The following MYO6 variants were observed in gnomAD, a reference collection of about 807,000 sequenced individuals.
The protein encoded by MYO6 is unconventional myosin-VI.
In MYO6, 74 loss-of-function variants were observed where a neutral mutation model predicts 178.7. The observed-to-expected ratio is 0.41, with a 90% CI of 0.34 to 0.50. The LOEUF (loss-of-function observed/expected upper bound fraction) is 0.50, where lower values mean the gene tolerates loss of function less well. Ranked by LOEUF, MYO6 falls within the 20% of genes least tolerant of loss-of-function variation. MYO6 has a pLI of 0.09. For synonymous variants in MYO6, 477 were observed against 504.6 expected, an observed-to-expected ratio of 0.95 and a Z score of 0.73; for missense variants, 1,330 against 1,547.4, an observed-to-expected ratio of 0.86 and a Z score of 2.36.
intron 28 of MYO6, 111 bp downstream of exon 28, chr6:75,892,801 T>C: frequency 9.2e-7 from 1 of 1,092,408 alleles, no homozygotes; most frequent in Non-Finnish European, 1.3e-6. Flanking sequence ...CTGAAGGCCC[T>C]GATATATTTG....
At chr6:75,811,943 G>A (rs1423539009) in intron 1 of MYO6, among the ~76,000 whole-genome samples, 2 of 152,186 alleles carry the variant, frequency 1.3e-5, no homozygotes, top group African/African-American at 4.8e-5. Flanking sequence ...AAATCGAAGA[G>A]GTTAAATAAC....
chr6:75,904,642 A>G (rs530674475), intron 30 of MYO6, among the ~76,000 whole-genome samples: 2 of 152,030 alleles, frequency 1.3e-5, no homozygotes, highest in South Asian at 2.1e-4. Flanking sequence ...AATTTTTTTC[A>G]AAGTTTTCAA....
chr6:75,796,563 G>GT (rs1195653917), intron 1 of MYO6, among the ~76,000 whole-genome samples: 3 of 151,206 alleles, frequency 2.0e-5, no homozygotes, highest in Non-Finnish European at 4.4e-5. Context: ...CCAATAGGTA[G>GT]TTTTTTAGCC....
intron 1 of MYO6, among the ~76,000 whole-genome samples, chr6:75,764,407 T>A (rs1778220864): frequency 6.6e-6 from 1 of 152,190 alleles, no homozygotes; most frequent in Admixed American, 6.5e-5. Flanking sequence ...TCTTTAGTCA[T>A]TCTTACCCAT....
At chr6:75,756,481 C>G (rs888134188) in intron 1 of MYO6, among the ~76,000 whole-genome samples, 3 of 152,082 alleles carry the variant, frequency 2.0e-5, no homozygotes, top group African/African-American at 7.2e-5. Context: ...TACAGGTGCT[C>G]ACGACCATGC....
chr6:75,811,133 G>A (rs954587515), intron 1 of MYO6, among the ~76,000 whole-genome samples: 3 of 152,042 alleles, frequency 2.0e-5, no homozygotes, highest in Non-Finnish European at 2.9e-5. Context: ...GGGTAGGGGG[G>A]CAGTTTTTCC....
intron 17 of MYO6, 123 bp from the exon 18 acceptor site, chr6:75,866,809 C>CACTAGCCACACTTCA: frequency 8.7e-7 from 1 of 1,143,940 alleles, no homozygotes; most frequent in Non-Finnish European, 1.3e-6. Context: ...CTAGTGGTGA[C>CACTAGCCACACTTCA]GGCGTTGGAC....
chr6:75,845,380 G>A (rs1774627461), intron 10 of MYO6, among the ~76,000 whole-genome samples: 1 of 152,148 alleles, frequency 6.6e-6, no homozygotes, highest in African/African-American at 2.4e-5. Flanking sequence ...ACAGTAAATA[G>A]ATTAAGCGTT....
chr6:75,889,922 GT>G, intron 25 of MYO6, 134 bp from the exon 26 acceptor site: 1 of 612,756 alleles, frequency 1.6e-6, no homozygotes. Context: ...ATTTTAAATT[GT>G]AAAAAACAAT....
In MYO6 at chr6:75,890,225, G is replaced by A. The variant is rs2149368057; in HGVS notation, c.2827G>A (p.Asp943Asn). The change falls in exon 26 of 35, where the codon GAC (aspartate) becomes AAC (asparagine). Residue 943 changes from aspartate to asparagine, a missense_variant. By Grantham distance (23) the Asp-to-Asn change is conservative. Coordinates refer to ENST00000369977, the MANE Select transcript of MYO6 (RefSeq NM_004999.4). ...MEKERKRREE[D>N]EKRRRKEEEE... Reference sequence around the variant, plus strand: ...AAAGGAAAGAAAAAGACGTGAAGAAGACGAAAAACGTCGAAGAAAGGAAGA... The same window carrying A: ...AAAGGAAAGAAAAAGACGTGAAGAAAACGAAAAACGTCGAAGAAAGGAAGA... 6.2e-7 allele frequency: 1 copy of A among 1,612,408 alleles called. No individual in the cohort carries two copies. Among genetic ancestry groups the A allele is most frequent in the South Asian group, 1.1e-5 (1 of 91,034 alleles).
At chr6:75,755,555 T>C (rs1777276111) in intron 1 of MYO6, among the ~76,000 whole-genome samples, 1 of 152,176 alleles carries the variant, frequency 6.6e-6, no homozygotes. Flanking sequence ...CTTTTCTAGT[T>C]GGAGAATTTT....
intron 1 of MYO6, among the ~76,000 whole-genome samples, chr6:75,811,012 C>T (rs1770646061): frequency 6.6e-6 from 1 of 151,176 alleles, no homozygotes; most frequent in Non-Finnish European, 1.5e-5. Flanking sequence ...ATCTCCTAAG[C>T]AGTTTTGTTT....
Position 75,881,432 on chromosome 6 carries a change from C to T in MYO6, c.2287-257C>T, listed in dbSNP as rs1005025536. Among the ~76,000 whole-genome samples the T allele has an allele frequency of 7.1e-5, 10 of 140,626 alleles. No homozygotes were observed. In the South Asian group the frequency reaches 2.4e-3, roughly 33 times the overall value. The allele number at this position is 140,626 out of a possible 152,430, so 92.3% of individuals were successfully genotyped here. On this transcript the variant is annotated intron_variant, in intron 22 of 34. Transcript: ENST00000369977. ...TGTAATTTAAAAGTCATCCCCCCCC[C>T]CCACTTTTGTTATTGAATATGCTAC...
At chr6:75,830,974 G>A (rs1025808975) in intron 5 of MYO6, among the ~76,000 whole-genome samples, 1 of 152,162 alleles carries the variant, frequency 6.6e-6, no homozygotes, top group African/African-American at 2.4e-5. Context: ...CTAGATTTCA[G>A]CTGTAAGAGC....
intron 7 of MYO6, among the ~76,000 whole-genome samples, chr6:75,836,745 G>T (rs941294397): frequency 1.3e-5 from 2 of 151,792 alleles, no homozygotes; most frequent in Non-Finnish European, 2.9e-5. Context: ...ACCACATCTG[G>T]CTAATTTTTG....
At chr6:75,878,708 A>T (rs988560717) in intron 20 of MYO6, among the ~76,000 whole-genome samples, 5 of 152,186 alleles carry the variant, frequency 3.3e-5, no homozygotes, top group African/African-American at 1.2e-4. Flanking sequence ...TGAGACAAGG[A>T]TCTAGTGTTG....
At chr6:75,805,021 A>ATATATATATATTTTTTT (rs1252912172) in intron 1 of MYO6, among the ~76,000 whole-genome samples, 6 of 77,312 alleles carry the variant, frequency 7.8e-5, no homozygotes, top group African/African-American at 4.1e-4. Context: ...ATATATATAT[A>ATATATATATATTTTTTT]TTTTTTTTTT....
chr6:75,850,833 A>G (rs983746526), intron 11 of MYO6, among the ~76,000 whole-genome samples: 14 of 152,188 alleles, frequency 9.2e-5, no homozygotes, highest in African/African-American at 3.1e-4. Context: ...GCACATAGTA[A>G]TCATTATAAG....
chr6:75,908,094 C>T (rs1780478451), intron 31 of MYO6, among the ~76,000 whole-genome samples: 1 of 152,140 alleles, frequency 6.6e-6, no homozygotes, highest in Non-Finnish European at 1.5e-5. Flanking sequence ...ACTACACTTT[C>T]CTCCATTGAG....
Sources: gnomAD v4.1 joint callset for allele counts (sites outside exome capture counted in the v4.1 genomes callset) on GRCh38, gnomAD v4.1.1 for gene constraint, MANE v1.5 for transcripts, NCBI Gene and HGNC (gene_info 2026-07-23, HGNC 2026-07-21) for gene names.